Variants in LARP6 observed in about 807,000 individuals in gnomAD.
The protein encoded by LARP6 is La ribonucleoprotein 6, translational regulator, also known as la-related protein 6.
A neutral mutation model predicts 32.8 loss-of-function variants in LARP6; 18 were observed. That is an observed-to-expected ratio of 0.55 (90% CI 0.38 to 0.81). The LOEUF is 0.81. Ranked by LOEUF, LARP6 falls within the 40% of genes least tolerant of loss-of-function variation. LARP6 has a pLI of 0.00. For missense variants in LARP6, 598 were observed against 663.1 expected, an observed-to-expected ratio of 0.90 and a Z score of 1.08; for synonymous variants, 289 against 267.2, an observed-to-expected ratio of 1.08 and a Z score of -0.80.
chr15:70,836,159 TTC>T, intron 2 of LARP6, 134 bp downstream of exon 2: 1 of 684,676 alleles, frequency 1.5e-6, no homozygotes, highest in Middle Eastern at 2.5e-4. Context: ...CTAGCCATTT[TTC>T]TCTTTTTCAG....
chr15:70,839,382 G>A (rs894272527), intron 1 of LARP6, among the ~76,000 whole-genome samples: 4 of 151,258 alleles, frequency 2.6e-5, no homozygotes, highest in Non-Finnish European at 4.4e-5. Flanking sequence ...GGAGGTTACA[G>A]TGAGCGGAGA....
At chr15:70,835,452 A>C (rs2032129323) in intron 2 of LARP6, among the ~76,000 whole-genome samples, 1 of 152,192 alleles carries the variant, frequency 6.6e-6, no homozygotes, top group African/African-American at 2.4e-5. Flanking sequence ...TATTTGATGA[A>C]TGAATAAAGG....
rs180678382 is a variant in LARP6 at position 70,850,312 on chromosome 15, C to A, written c.200+3577G>T. On this transcript the variant is annotated intron_variant, in intron 1 of 2. Transcript: ENST00000299213. Reference sequence around the variant, plus strand: ...ACAACTAATACCAATACTTCTCAAACTCTTCTAAAACTTTGAAGAGGAGGG... The same window carrying A: ...ACAACTAATACCAATACTTCTCAAAATCTTCTAAAACTTTGAAGAGGAGGG... 4.6e-5 allele frequency among the ~76,000 whole-genome samples: 7 copies of A among 152,356 alleles called. No individual in the cohort carries two copies. In the East Asian group the frequency reaches 1.3e-3, roughly 29 times the overall value.
At chr15:70,835,920 C>T (rs1250973607) in intron 2 of LARP6, among the ~76,000 whole-genome samples, 2 of 152,180 alleles carry the variant, frequency 1.3e-5, no homozygotes, top group African/African-American at 4.8e-5. Context: ...AAATGAAAAG[C>T]TTGAATTTCA....
intron 1 of LARP6, among the ~76,000 whole-genome samples, chr15:70,840,626 C>G (rs139573823): frequency 6.6e-6 from 1 of 152,288 alleles, no homozygotes; most frequent in Non-Finnish European, 1.5e-5. Flanking sequence ...ATTCCCGGCC[C>G]AGCTAACAAA....
intron 1 of LARP6, among the ~76,000 whole-genome samples, chr15:70,844,320 T>G (rs1371080399): frequency 6.6e-6 from 1 of 152,220 alleles, no homozygotes; most frequent in African/African-American, 2.4e-5. Flanking sequence ...TAAAAAGTAT[T>G]TTTCAATTCC....
rs146924926 is a variant in LARP6, at chr15:70,836,328, A to G, written c.378T>C (p.Tyr126=). Residue 126 remains tyrosine (Y), a synonymous_variant, in exon 2 of 3, where the codon TAT becomes TAC. Transcript: ENST00000299213. Reference sequence around the variant, plus strand: ...AGGATGTGAGTAGCTTAACGCTCACATATCCCAGCTTGTTCCTCCTCACGT... The same window carrying G: ...AGGATGTGAGTAGCTTAACGCTCACGTATCCCAGCTTGTTCCTCCTCACGT... ...LKHVRRNKLG[Y]VSVKLLTSFK... The G allele has an allele frequency of 4.3e-6, 7 of 1,614,210 alleles. No homozygotes were observed. Among genetic ancestry groups the G allele is most frequent in the Non-Finnish European group, 5.9e-6 (7 of 1,180,016 alleles).
Position 70,854,144 on chromosome 15 carries a change from G to T in LARP6, c.-56C>A, listed in dbSNP as rs1364998709. ...CTCACGCCGCAAGGCCCAGCCAGCC[G>T]GTCGGCAGCGACTGCGACGAGGGGG... On this transcript the variant is annotated 5_prime_UTR_variant, in exon 1 of 3. Transcript: ENST00000299213. 8.4e-7 allele frequency: 1 copy of T among 1,184,598 alleles called. No individual in the cohort carries two copies. 73.4% of individuals were successfully genotyped at this position (1,184,598 alleles called of 1,614,324 possible).
At position 70,832,555 on chromosome 15, in the gene LARP6, C is replaced by T. The variant is rs1342054203; in HGVS notation, c.973G>A (p.Glu325Lys). 3.2e-6 allele frequency: 5 copies of T among 1,563,804 alleles called. No individual in the cohort carries two copies. Among genetic ancestry groups the T allele is most frequent in the Non-Finnish European group, 3.4e-6 (4 of 1,160,320 alleles). ...HLNKSLNKRV[E>K]ELQYMGDESS... is the part of the protein sequence containing the mutation. ...TCATCACCCATGTACTGAAGCTCCT[C>T]GACTCTCTTGTTCAGGGACTTGTTC... Residue 325 changes from glutamate to lysine, a missense_variant, in exon 3 of 3, where the codon GAG (glutamate) becomes AAG (lysine). Transcript: ENST00000299213.
rs2032059493 is a variant in LARP6, at chr15:70,832,320, C to T, written c.1208G>A (p.Arg403Lys). 6.2e-7 allele frequency: 1 copy of T among 1,614,250 alleles called. No individual in the cohort carries two copies. The highest frequency in any genetic ancestry group is 2.2e-5 in the East Asian group (1 of 44,872). Residue 403 changes from arginine to lysine, a missense_variant, in exon 3 of 3, where the codon AGA becomes AAA. Arg to Lys is a conservative substitution (Grantham distance 26, BLOSUM62 2). This residue lies in a region of LARP6 where 368 missense variants were observed against 397.9 expected (regional missense o/e 0.92). Transcript: ENST00000299213. Reference protein sequence around the residue: ...SRKSPLAEEGRLNCSTSPEIF... With the variant: ...SRKSPLAEEGKLNCSTSPEIF... The stretch of plus-strand genomic sequence containing the variant: ...CTCAGGGCTGGTGCTGCAGTTCAGT[C>T]TACCTTCCTCCGCCAGTGGGGACTT...
chr15:70,837,828 C>T (rs2141051162), intron 1 of LARP6, among the ~76,000 whole-genome samples: 1 of 152,282 alleles, frequency 6.6e-6, no homozygotes, highest in Admixed American at 6.5e-5. Context: ...TTGCCTGGGT[C>T]CAAATGCTTG....
At chr15:70,842,108 T>C (rs912802433) in intron 1 of LARP6, among the ~76,000 whole-genome samples, 2 of 152,116 alleles carry the variant, frequency 1.3e-5, no homozygotes, top group African/African-American at 2.4e-5. Context: ...TGCAGTGGCA[T>C]GAACACAGCT....
intron 1 of LARP6, among the ~76,000 whole-genome samples, chr15:70,837,396 TAA>T: frequency 1.3e-5 from 2 of 152,050 alleles, no homozygotes; most frequent in Non-Finnish European, 2.9e-5. Context: ...ATAATAATAA[TAA>T]TAATTATTAT....
intron 1 of LARP6, among the ~76,000 whole-genome samples, chr15:70,850,829 T>C (rs534775596): frequency 6.6e-6 from 1 of 151,820 alleles, no homozygotes; most frequent in South Asian, 2.1e-4. Flanking sequence ...GCAAGTAAAA[T>C]AAGATCATGA....
intron 1 of LARP6, among the ~76,000 whole-genome samples, chr15:70,840,033 T>C (rs1169947309): frequency 1.3e-5 from 2 of 152,266 alleles, no homozygotes; most frequent in South Asian, 4.1e-4. Context: ...GATCAAATCC[T>C]ATTTGTTTAA....
chr15:70,835,990 A>T (rs949391433), intron 2 of LARP6, among the ~76,000 whole-genome samples: 3 of 152,162 alleles, frequency 2.0e-5, no homozygotes, highest in Non-Finnish European at 4.4e-5. Flanking sequence ...TCCTGGTATC[A>T]CATCCTCCTG....
intron 1 of LARP6, among the ~76,000 whole-genome samples, chr15:70,846,681 C>T (rs904169789): frequency 4.0e-4 from 60 of 151,804 alleles, no homozygotes; most frequent in African/African-American, 1.5e-3. Context: ...AAGTCTTCAG[C>T]TCCTTATTCA....
At chr15:70,836,672 T>G (rs2032154465) in intron 1 of LARP6, among the ~76,000 whole-genome samples, 167 bp from the exon 2 acceptor site, 1 of 152,124 alleles carries the variant, frequency 6.6e-6, no homozygotes, top group African/African-American at 2.4e-5. Context: ...TGGAGTAGGG[T>G]GGACCCCCTA....
intron 1 of LARP6, among the ~76,000 whole-genome samples, chr15:70,847,730 G>A (rs532858713): frequency 2.6e-5 from 4 of 151,842 alleles, no homozygotes; most frequent in Admixed American, 2.6e-4. Context: ...ATAAAATATC[G>A]AATCTGGTTA....
Sources: gnomAD v4.1 joint callset for allele counts (sites outside exome capture counted in the v4.1 genomes callset) on GRCh38, gnomAD v4.1.1 for gene constraint, gnomAD v4.1.1 regional missense constraint, MANE v1.5 for transcripts, NCBI Gene and HGNC (gene_info 2026-07-23, HGNC 2026-07-21) for gene names.